Variants in USP10 observed in about 807,000 individuals in gnomAD.
The protein encoded by USP10 is ubiquitin carboxyl-terminal hydrolase 10.
In USP10, 22 loss-of-function variants were observed where a neutral mutation model predicts 84.5. The ratio of observed to expected loss-of-function variants is 0.26; its 90% CI spans 0.19 to 0.37. The LOEUF is 0.37. Ranked by LOEUF, USP10 falls within the 10% of genes least tolerant of loss-of-function variation. USP10 has a pLI of 1.00. For synonymous variants in USP10, 454 were observed against 387.6 expected (o/e 1.17, Z -2.01); for missense variants, 1,019 against 998.9 (o/e 1.02, Z -0.27).
chr16:84,740,003 T>C (rs980217524), intron 2 of USP10, among the ~76,000 whole-genome samples: 15 of 152,246 alleles, frequency 9.9e-5, no homozygotes, highest in South Asian at 4.1e-4. Context: ...GAAAGAAGGA[T>C]GTATCATAAG....
intron 1 of USP10, among the ~76,000 whole-genome samples, chr16:84,726,620 G>C (rs915743602): frequency 6.6e-6 from 1 of 152,164 alleles, no homozygotes; most frequent in Admixed American, 6.5e-5. Flanking sequence ...AGTGTTTCTT[G>C]TATATTTTTT....
chr16:84,755,214 A>C (rs933007506), intron 4 of USP10, among the ~76,000 whole-genome samples: 1 of 151,388 alleles, frequency 6.6e-6, no homozygotes, highest in Admixed American at 6.6e-5. Context: ...AACAGGAATG[A>C]ACATGTTCAA....
intron 11 of USP10, among the ~76,000 whole-genome samples, chr16:84,771,784 T>C (rs1486662895): frequency 6.6e-6 from 1 of 151,944 alleles, no homozygotes; most frequent in Admixed American, 6.5e-5. Flanking sequence ...AGGAGAATCG[T>C]TTGAACCCGG....
intron 4 of USP10, among the ~76,000 whole-genome samples, chr16:84,754,915 C>T (rs747993543): frequency 1.3e-5 from 2 of 150,972 alleles, no homozygotes; most frequent in African/African-American, 2.4e-5. Context: ...CCAAGGCAGG[C>T]GGATTGCTTG....
At chr16:84,762,340 C>T (rs1003369495) in intron 8 of USP10, among the ~76,000 whole-genome samples, 3 of 152,154 alleles carry the variant, frequency 2.0e-5, no homozygotes, top group African/African-American at 4.8e-5. Context: ...TCTAGTTCTT[C>T]GTCTTCTATT....
intron 3 of USP10, 53 bp downstream of exon 3, chr16:84,740,422 G>T: frequency 7.0e-7 from 1 of 1,424,154 alleles, no homozygotes; most frequent in African/African-American, 1.4e-5. Context: ...ATACGTGCTG[G>T]GTGGGCAGGC....
At chr16:84,727,557 C>G (rs1271357016) in intron 1 of USP10, among the ~76,000 whole-genome samples, 2 of 152,132 alleles carry the variant, frequency 1.3e-5, no homozygotes, top group Non-Finnish European at 2.9e-5. Context: ...CAAAGAATCC[C>G]CAGATGGTCC....
chr16:84,775,834 C>T (rs561543695), intron 13 of USP10, among the ~76,000 whole-genome samples: 1 of 152,274 alleles, frequency 6.6e-6, no homozygotes, highest in African/African-American at 2.4e-5. Flanking sequence ...GCCACATCAT[C>T]TTCCCTTTCC....
At chr16:84,757,944 T>G (rs1323432048) in intron 4 of USP10, among the ~76,000 whole-genome samples, 3 of 152,234 alleles carry the variant, frequency 2.0e-5, no homozygotes, top group Admixed American at 1.3e-4. Flanking sequence ...TTATAAATTG[T>G]AGCCATCACC....
chr16:84,757,826 T>A (rs1389089823), intron 4 of USP10, among the ~76,000 whole-genome samples: 14 of 152,310 alleles, frequency 9.2e-5, no homozygotes, highest in Admixed American at 3.9e-4. Flanking sequence ...AGCCTCATTT[T>A]CCTTATTGGT....
At chr16:84,750,052 T>G (rs16974538) in intron 4 of USP10, among the ~76,000 whole-genome samples, 14,014 of 152,174 alleles carry the variant, frequency 0.092, 748 homozygotes, top group African/African-American at 0.15. Flanking sequence ...GAGAGGGATC[T>G]GTGTTTCAGT....
At chr16:84,724,782 A>G (rs528702986) in intron 1 of USP10, among the ~76,000 whole-genome samples, 357 of 152,156 alleles carry the variant, frequency 2.3e-3, no homozygotes, top group African/African-American at 8.1e-3. Flanking sequence ...TTGAGTGTGG[A>G]TTGTTGATGC....
chr16:84,731,241 A>G (rs1164580701), intron 1 of USP10, among the ~76,000 whole-genome samples: 1 of 149,730 alleles, frequency 6.7e-6, no homozygotes, highest in Non-Finnish European at 1.5e-5. Flanking sequence ...GGCCTCCCAG[A>G]GTGCTGGGAT....
chr16:84,712,774 G>T (rs1906484692), intron 1 of USP10, among the ~76,000 whole-genome samples: 3 of 152,172 alleles, frequency 2.0e-5, no homozygotes, highest in Non-Finnish European at 4.4e-5. Context: ...TACCTCTGTT[G>T]TGTAGTTTCT....
In USP10 at chr16:84,700,027, G is replaced by A; in HGVS notation, c.-64G>A. On this transcript the variant is annotated 5_prime_UTR_variant, in exon 1 of 14. Transcript: ENST00000219473. ...GTGTGTATGTGCGGGCGAGAAGATG[G>A]CGGCGGCGGGGGAAGCAGCGTGAGC... The A allele has an allele frequency of 2.3e-6, 3 of 1,328,008 alleles. No individual in the cohort carries two copies. Among genetic ancestry groups the A allele is most frequent in the Non-Finnish European group, 3.0e-6 (3 of 1,013,524 alleles). The allele number at this position is 1,328,008 out of a possible 1,614,324, so 82.3% of individuals were successfully genotyped here. A position where few individuals can be genotyped will look rare whatever the true frequency, so the allele number is the denominator to read the frequency against.
intron 1 of USP10, among the ~76,000 whole-genome samples, chr16:84,702,371 A>G (rs62048814): frequency 0.23 from 34,374 of 151,842 alleles, 4,244 homozygotes; most frequent in East Asian, 0.38. Flanking sequence ...ATTTCTCATA[A>G]TTTTCATTTT....
intron 8 of USP10, among the ~76,000 whole-genome samples, chr16:84,761,930 A>C (rs535990041): frequency 2.6e-5 from 4 of 152,266 alleles, no homozygotes; most frequent in Non-Finnish European, 4.4e-5. Flanking sequence ...ACACGTGCAG[A>C]GCATGCACTC....
chr16:84,759,716 G>T, intron 6 of USP10, 175 bp from the exon 7 acceptor site: 1 of 734,080 alleles, frequency 1.4e-6, no homozygotes. Flanking sequence ...TATATCACTT[G>T]AAATAGACCA....
At chr16:84,760,405 C>G in intron 8 of USP10, 130 bp downstream of exon 8, 1 of 755,226 alleles carries the variant, frequency 1.3e-6, no homozygotes, top group Non-Finnish European at 2.2e-6. Flanking sequence ...TTATAAGAGT[C>G]CATTGCTTGG....
Sources: allele counts gnomAD v4.1 joint callset (sites outside exome capture counted in the v4.1 genomes callset), GRCh38; gene constraint gnomAD v4.1.1; transcripts MANE v1.5; gene names NCBI Gene and HGNC (gene_info 2026-07-23, HGNC 2026-07-21).